The following SLC35F4 variants were observed in gnomAD, a reference collection of about 807,000 sequenced individuals.
SLC35F4 encodes solute carrier family 35 member F4, also known as chromosome 14 open reading frame 36.
In SLC35F4, 24 loss-of-function variants were observed where a neutral mutation model predicts 44.2. That is an observed-to-expected ratio of 0.54 (90% CI 0.39 to 0.76). The LOEUF (loss-of-function observed/expected upper bound fraction) is 0.76. Ranked by LOEUF, SLC35F4 falls within the 30% of genes least tolerant of loss-of-function variation. The pLI, the probability that SLC35F4 is intolerant of heterozygous loss-of-function variation, is 0.00. For missense variants in SLC35F4, 562 were observed against 586.1 expected, an observed-to-expected ratio of 0.96 and a Z score of 0.42; for synonymous variants, 238 against 223.6, an observed-to-expected ratio of 1.06 and a Z score of -0.57.
intron 1 of SLC35F4, among the ~76,000 whole-genome samples, chr14:57,667,193 G>A (rs934443300): frequency 6.7e-6 from 1 of 150,110 alleles, no homozygotes; most frequent in Non-Finnish European, 1.5e-5. Context: ...TGCAAGCATG[G>A]GGGAGGGAGG....
intron 1 of SLC35F4, among the ~76,000 whole-genome samples, chr14:57,915,707 T>C (rs912240204): frequency 1.3e-5 from 2 of 152,226 alleles, no homozygotes; most frequent in African/African-American, 4.8e-5. Flanking sequence ...CAGTACCTTG[T>C]TCCTCATTTC....
At chr14:57,587,885 A>AAAG (rs1459433805) in intron 3 of SLC35F4, among the ~76,000 whole-genome samples, 9 of 151,834 alleles carry the variant, frequency 5.9e-5, no homozygotes, top group African/African-American at 1.7e-4. Flanking sequence ...AAAAAAAAAA[A>AAAG]AAAGAAAATG....
chr14:57,588,230 G>A (rs1594960746), intron 3 of SLC35F4, among the ~76,000 whole-genome samples: 2 of 152,204 alleles, frequency 1.3e-5, no homozygotes, highest in East Asian at 3.8e-4. Context: ...GTCGTATAAT[G>A]TACCAGTTGT....
At position 57,567,417 on chromosome 14, in the gene SLC35F4, A is replaced by C. The variant is rs980261352; in HGVS notation, c.1127-853T>G. On this transcript the variant is annotated intron_variant, in intron 6 of 7. Transcript: ENST00000556826. Reference sequence around the variant, plus strand: ...TGACAATGAGGCAAGCATGTTGTGTATATCTCTGCAGAACCAAAAAAAGTT... The same window carrying C: ...TGACAATGAGGCAAGCATGTTGTGTCTATCTCTGCAGAACCAAAAAAAGTT... Among the ~76,000 whole-genome samples, 5 of 152,350 alleles carry C rather than the reference A, an allele frequency of 3.3e-5. No homozygotes were observed. The East Asian group carries it at 9.6e-4, about 29-fold the overall frequency.
chr14:57,800,655 G>A (rs754791798), intron 1 of SLC35F4, among the ~76,000 whole-genome samples: 1 of 152,080 alleles, frequency 6.6e-6, no homozygotes, highest in Non-Finnish European at 1.5e-5. Flanking sequence ...AGAATAACCA[G>A]TTTAGAGAGC....
chr14:57,825,197 C>A (rs909154172), intron 1 of SLC35F4, among the ~76,000 whole-genome samples: 2 of 151,960 alleles, frequency 1.3e-5, no homozygotes, highest in Non-Finnish European at 2.9e-5. Context: ...AAGGAGAAGA[C>A]CATGAGAGCA....
chr14:57,929,059 G>C (rs1388366478), intron 1 of SLC35F4, among the ~76,000 whole-genome samples: 2 of 152,194 alleles, frequency 1.3e-5, no homozygotes, highest in Non-Finnish European at 2.9e-5. Flanking sequence ...CAGGGAAAAA[G>C]TATTGAAATG....
intron 1 of SLC35F4, among the ~76,000 whole-genome samples, chr14:57,805,729 T>C (rs1270724640): frequency 6.6e-6 from 1 of 152,128 alleles, no homozygotes; most frequent in Non-Finnish European, 1.5e-5. Context: ...TGGCACACGT[T>C]TACCTATCTA....
rs76395389 is a variant in SLC35F4, at chr14:57,687,404, C to T, written c.104-93280G>A. ...CTGCTATGTGTATAATTTGGAGCCA[C>T]CTATGACTGGTCTCCAATAAATAGC... On this transcript the variant is annotated intron_variant, in intron 1 of 7. Coordinates refer to ENST00000556826, the MANE Select transcript of SLC35F4 (RefSeq NM_001306087.2). 7.5e-3 allele frequency among the ~76,000 whole-genome samples: 1,142 copies of T among 152,290 alleles called. 17 individuals carry two copies. The highest frequency in any genetic ancestry group is 0.025 in the African/African-American group (1,048 of 41,568).
At chr14:57,738,846 T>C (rs918453017) in intron 1 of SLC35F4, among the ~76,000 whole-genome samples, 1 of 147,612 alleles carries the variant, frequency 6.8e-6, no homozygotes, top group Non-Finnish European at 1.5e-5. Flanking sequence ...ACTGTATATA[T>C]ATATGAAATT....
chr14:57,758,970 G>A (rs973189558), intron 1 of SLC35F4, among the ~76,000 whole-genome samples: 5 of 152,110 alleles, frequency 3.3e-5, no homozygotes, highest in Non-Finnish European at 5.9e-5. Flanking sequence ...CCTCATATAA[G>A]TGGAATCATG....
intron 1 of SLC35F4, among the ~76,000 whole-genome samples, chr14:57,789,065 A>G (rs550986870): frequency 6.6e-6 from 1 of 152,208 alleles, no homozygotes; most frequent in African/African-American, 2.4e-5. Context: ...AGTGGGACAG[A>G]TCTAAAATCG....
intron 1 of SLC35F4, among the ~76,000 whole-genome samples, chr14:57,652,993 T>C (rs757606559): frequency 3.3e-5 from 5 of 152,198 alleles, no homozygotes; most frequent in East Asian, 3.8e-4. Flanking sequence ...CTCTTTTCCA[T>C]CAGGCATCTC....
intron 1 of SLC35F4, among the ~76,000 whole-genome samples, chr14:57,844,866 G>A (rs1885858819): frequency 6.6e-6 from 1 of 151,984 alleles, no homozygotes; most frequent in Non-Finnish European, 1.5e-5. Context: ...ACACCAACTG[G>A]ACCTTTGTTA....
At position 57,784,490 on chromosome 14, in the gene SLC35F4, C is replaced by T. The variant is rs546445477; in HGVS notation, c.103+81233G>A. Among the ~76,000 whole-genome samples the T allele has an allele frequency of 3.0e-4, 46 of 152,202 alleles. 2 individuals are homozygous for T. The South Asian group carries it at 8.7e-3, about 29-fold the overall frequency. ...CTTGAGGCTAATAGGTCAAGACCAG[C>T]CTGGGCTACATGGTAAGATCCTGTC... On this transcript the variant is annotated intron_variant, in intron 1 of 7. Transcript: ENST00000556826.
chr14:57,793,689 T>C (rs2077983850), intron 1 of SLC35F4, among the ~76,000 whole-genome samples: 1 of 152,182 alleles, frequency 6.6e-6, no homozygotes, highest in Admixed American at 6.6e-5. Flanking sequence ...TAAACATATG[T>C]GTCCAGGTGT....
intron 1 of SLC35F4, among the ~76,000 whole-genome samples, chr14:57,644,961 T>A (rs1361681895): frequency 6.6e-6 from 1 of 152,182 alleles, no homozygotes; most frequent in Non-Finnish European, 1.5e-5. Context: ...GAGAGCTCTG[T>A]TTTGTTCCAT....
At chr14:57,618,459 A>G (rs2071982746) in intron 1 of SLC35F4, among the ~76,000 whole-genome samples, 1 of 152,162 alleles carries the variant, frequency 6.6e-6, no homozygotes, top group South Asian at 2.1e-4. Flanking sequence ...TCCCCTACCC[A>G]AGGGAAGCCG....
At chr14:57,644,954 A>G (rs1355708740) in intron 1 of SLC35F4, among the ~76,000 whole-genome samples, 3 of 151,968 alleles carry the variant, frequency 2.0e-5, no homozygotes, top group South Asian at 2.1e-4. Context: ...TATTTCTGAG[A>G]GCTCTGTTTT....
Sources: gnomAD v4.1 joint callset for allele counts (sites outside exome capture counted in the v4.1 genomes callset) on GRCh38, gnomAD v4.1.1 for gene constraint, MANE v1.5 for transcripts, NCBI Gene and HGNC (gene_info 2026-07-23, HGNC 2026-07-21) for gene names.